RASA3: variants seen among roughly 807,000 people sequenced by gnomAD.
RASA3 encodes RAS p21 protein activator 3, also known as ras GTPase-activating protein 3.
Under a neutral mutation model 110.0 loss-of-function variants are expected in RASA3, and 73 were observed. The observed-to-expected ratio is 0.66, with a 90% CI of 0.55 to 0.81. The LOEUF (loss-of-function observed/expected upper bound fraction) is 0.81. RASA3 is among the 30% of genes least tolerant of loss of function. The pLI is 0.00. For synonymous variants in RASA3, 500 were observed against 451.4 expected, an observed-to-expected ratio of 1.11 and a Z score of -1.37; for missense variants, 976 against 1,113.2, an observed-to-expected ratio of 0.88 and a Z score of 1.75.
intron 1 of RASA3, among the ~76,000 whole-genome samples, chr13:114,099,550 G>A (rs958477208): frequency 6.6e-6 from 1 of 151,178 alleles, no homozygotes; most frequent in African/African-American, 2.4e-5. Context: ...CTCCCTGCCT[G>A]GGACCTAAGT....
At chr13:113,990,355 G>A (rs7333568) in intron 22 of RASA3, among the ~76,000 whole-genome samples, 48,367 of 152,006 alleles carry the variant, frequency 0.32, 7,798 homozygotes, top group East Asian at 0.41. Flanking sequence ...AGGAAGAGCT[G>A]GAGCTGTGAT....
rs543573182 is a variant in RASA3, at chr13:113,979,131, C to T, written c.*216G>A. On this transcript the variant is annotated 3_prime_UTR_variant, in exon 24 of 24. Transcript: ENST00000334062. The stretch of plus-strand genomic sequence containing the variant: ...GAGCAAAAAGCACAGAATCAAATGA[C>T]GACACGTTCCACAGGGCCAGGTGGG... The T allele has an allele frequency of 3.8e-5, 22 of 575,770 alleles. No homozygotes were observed. The highest frequency in any genetic ancestry group is 4.6e-4 in the Middle Eastern group (1 of 2,152). 35.7% of individuals were successfully genotyped at this position (575,770 alleles called of 1,614,324 possible).
intron 11 of RASA3, 59 bp downstream of exon 11, chr13:114,018,045 C>T (rs1452726346): frequency 1.4e-6 from 2 of 1,424,178 alleles, no homozygotes; most frequent in African/African-American, 1.5e-5. Flanking sequence ...TCGGCGACGA[C>T]CTTGCCATCC....
At chr13:114,102,227 G>A (rs922606440) in intron 1 of RASA3, among the ~76,000 whole-genome samples, 2 of 151,740 alleles carry the variant, frequency 1.3e-5, no homozygotes, top group Admixed American at 6.6e-5. Flanking sequence ...GGTGGTAGGC[G>A]GGCAGCAGGT....
chr13:113,996,497 A>T (rs769253917), intron 21 of RASA3, 34 bp downstream of exon 21: 1 of 1,590,164 alleles, frequency 6.3e-7, no homozygotes, highest in Admixed American at 1.7e-5. Context: ...TTTCCTGCAC[A>T]GTGCACGAGC....
chr13:114,014,242 T>C lies in RASA3; in HGVS notation c.1405+967A>G, dbSNP rs1318371413. On this transcript the variant is annotated intron_variant, in intron 14 of 23. Coordinates refer to ENST00000334062, the MANE Select transcript of RASA3 (RefSeq NM_007368.4). The surrounding 1 kb of genome is among the most constrained non-coding windows in gnomAD (Gnocchi z 4.5). ...CCTTTGGTGTCTCATTCCACAGTGG[T>C]CTGTGCTCATCTGGGTGAGAGGATG... Among the ~76,000 whole-genome samples, 1 of 152,154 alleles carries C rather than the reference T, an allele frequency of 6.6e-6. No homozygotes were observed. Among genetic ancestry groups the C allele is most frequent in the African/African-American group, 2.4e-5 (1 of 41,430 alleles).
chr13:114,087,815 C>T (rs1282886919), intron 1 of RASA3, among the ~76,000 whole-genome samples: 1 of 152,246 alleles, frequency 6.6e-6, no homozygotes. Context: ...CTGGGAGCAG[C>T]ATTTCCTTCC....
In RASA3 at chr13:114,032,123, A is replaced by C. The variant is rs562312274; in HGVS notation, c.373-2236T>G. On this transcript the variant is annotated intron_variant, in intron 4 of 23. Coordinates refer to ENST00000334062, the MANE Select transcript of RASA3 (RefSeq NM_007368.4). ...CTATACAAGTTAAAAATAGCATCTT[A>C]ACATATGTCCCTAAATTGTTTTTCA... 6.7e-4 allele frequency among the ~76,000 whole-genome samples: 102 copies of C among 152,296 alleles called. 2 individuals are homozygous for C. The highest frequency in any genetic ancestry group is 2.4e-3 in the African/African-American group (99 of 41,556).
At chr13:114,070,688 C>T (rs1011616032) in intron 2 of RASA3, among the ~76,000 whole-genome samples, 7 of 143,536 alleles carry the variant, frequency 4.9e-5, no homozygotes, top group South Asian at 2.3e-4. Context: ...GGGCTGCCGG[C>T]GTCCACGCTA....
intron 1 of RASA3, among the ~76,000 whole-genome samples, chr13:114,131,948 G>A (rs767332843): frequency 6.6e-6 from 1 of 152,178 alleles, no homozygotes. Flanking sequence ...ACGCCCCTGG[G>A]GAGAAGCGTG....
At chr13:114,042,810 G>A (rs528702146) in intron 3 of RASA3, among the ~76,000 whole-genome samples, 168 of 152,332 alleles carry the variant, frequency 1.1e-3, no homozygotes, top group Non-Finnish European at 2.0e-3. Context: ...CAGTAAATTC[G>A]GGAACACTCC....
intron 9 of RASA3, 104 bp downstream of exon 9, chr13:114,021,300 C>T: frequency 2.0e-6 from 2 of 991,698 alleles, no homozygotes; most frequent in Admixed American, 2.0e-5. Flanking sequence ...CTGGGCACAG[C>T]CGAGGACCAG....
intron 21 of RASA3, 86 bp downstream of exon 21, chr13:113,996,445 G>A: frequency 5.4e-6 from 7 of 1,298,324 alleles, no homozygotes; most frequent in Non-Finnish European, 6.4e-6. Flanking sequence ...AGGCAGGCAT[G>A]CACTGTCTGC....
intron 1 of RASA3, among the ~76,000 whole-genome samples, chr13:114,094,911 C>T (rs76278402): frequency 0.032 from 4,898 of 152,246 alleles, 257 homozygotes; most frequent in African/African-American, 0.11. Flanking sequence ...TCCCGCCCCA[C>T]CTAAAGCTTA....
At chr13:114,053,891 T>C (rs1488731316) in intron 2 of RASA3, among the ~76,000 whole-genome samples, 1 of 152,362 alleles carries the variant, frequency 6.6e-6, no homozygotes, top group East Asian at 1.9e-4. Flanking sequence ...TTTGGGAGGC[T>C]GAGACTAACG....
At chr13:114,040,242 T>C (rs565934914) in intron 4 of RASA3, among the ~76,000 whole-genome samples, 291 of 145,538 alleles carry the variant, frequency 2.0e-3, no homozygotes, top group African/African-American at 7.2e-3. Context: ...TGACAGAGCC[T>C]GCGCTCACTC....
intron 1 of RASA3, among the ~76,000 whole-genome samples, chr13:114,101,843 G>T (rs897095848): frequency 1.3e-5 from 2 of 152,128 alleles, no homozygotes; most frequent in African/African-American, 4.8e-5. Context: ...GAAAACATAC[G>T]GAAAATGTCA....
chr13:114,013,920 C>T (rs371129333), intron 14 of RASA3, among the ~76,000 whole-genome samples: 1 of 91,108 alleles, frequency 1.1e-5, no homozygotes, highest in African/African-American at 7.2e-5. Context: ...GTCTCTCTCT[C>T]TCCGTCTCTC....
At position 113,996,718 on chromosome 13, in the gene RASA3, C is replaced by G; in HGVS notation, c.1954G>C (p.Glu652Gln). The change falls in exon 21 of 24, where the codon GAG becomes CAG. Residue 652 changes from glutamate to glutamine, a missense_variant. Transcript: ENST00000334062. ...MKNMFQVIQP[E>Q]RALYIQANNC... Reference sequence around the variant, plus strand: ...TTGGCCTGGATGTACAGCGCACGCTCTGGCTGGATGACCTGGAACATCTGA... The same window carrying G: ...TTGGCCTGGATGTACAGCGCACGCTGTGGCTGGATGACCTGGAACATCTGA... 1 of 1,613,738 alleles carries G rather than the reference C, an allele frequency of 6.2e-7. No individual in the cohort carries two copies. Among genetic ancestry groups the G allele is most frequent in the Non-Finnish European group, 8.5e-7 (1 of 1,180,004 alleles).
Sources: allele counts gnomAD v4.1 joint callset (sites outside exome capture counted in the v4.1 genomes callset), GRCh38; gene constraint gnomAD v4.1.1; non-coding constraint Gnocchi (gnomAD v3.1); transcripts MANE v1.5; gene names NCBI Gene and HGNC (gene_info 2026-07-23, HGNC 2026-07-21).